Variants in PCMT1 observed in about 807,000 individuals in gnomAD.
The protein encoded by PCMT1 is protein-L-isoaspartate (D-aspartate) O-methyltransferase, also known as protein-L-isoaspartate(D-aspartate) O-methyltransferase.
Under a neutral mutation model 29.2 loss-of-function variants are expected in PCMT1, and 9 were observed. The ratio of observed to expected loss-of-function variants is 0.31; its 90% CI spans 0.19 to 0.54. The LOEUF (loss-of-function observed/expected upper bound fraction) is 0.54. Among genes scored for constraint, PCMT1 ranks in the 20% least tolerant of loss-of-function variants. The pLI is 0.95. For synonymous variants in PCMT1, 98 were observed against 97.5 expected, an observed-to-expected ratio of 1.00 and a Z score of -0.03; for missense variants, 184 against 282.2, an observed-to-expected ratio of 0.65 and a Z score of 2.49.
At chr6:149,775,704 C>T (rs1462090328) in intron 3 of PCMT1, among the ~76,000 whole-genome samples, 1 of 151,814 alleles carries the variant, frequency 6.6e-6, no homozygotes, top group Non-Finnish European at 1.5e-5. Context: ...ACCCTCATCT[C>T]AATAATAATA....
At chr6:149,779,594 GAGGTC>G (rs1787728452) in intron 3 of PCMT1, among the ~76,000 whole-genome samples, 1 of 152,144 alleles carries the variant, frequency 6.6e-6, no homozygotes, top group Non-Finnish European at 1.5e-5. Flanking sequence ...TGGGTCACCT[GAGGTC>G]AGGAGTTCGA....
chr6:149,793,339 C>T (rs1009280659), intron 4 of PCMT1, among the ~76,000 whole-genome samples: 5 of 151,932 alleles, frequency 3.3e-5, no homozygotes, highest in South Asian at 2.1e-4. Context: ...CTTAGTATTA[C>T]AAGTTTTATT....
intron 3 of PCMT1, among the ~76,000 whole-genome samples, chr6:149,787,754 A>C (rs914137213): frequency 6.6e-6 from 1 of 152,046 alleles, no homozygotes; most frequent in Non-Finnish European, 1.5e-5. Flanking sequence ...ACACAGTCTT[A>C]CCATTGGTAA....
intron 1 of PCMT1, among the ~76,000 whole-genome samples, chr6:149,752,613 G>C (rs563538457): frequency 6.6e-6 from 1 of 152,298 alleles, no homozygotes; most frequent in South Asian, 2.1e-4. Context: ...GGGTTCTCAT[G>C]GATGGCACAT....
chr6:149,790,931 C>G (rs1419919292), intron 4 of PCMT1, among the ~76,000 whole-genome samples: 1 of 152,064 alleles, frequency 6.6e-6, no homozygotes, highest in Non-Finnish European at 1.5e-5. Context: ...CCCTTGAGCC[C>G]AGGAGGTGGA....
chr6:149,774,789 C>G (rs913605085), intron 3 of PCMT1, among the ~76,000 whole-genome samples: 1 of 150,342 alleles, frequency 6.7e-6, no homozygotes, highest in Non-Finnish European at 1.5e-5. Context: ...TCACTGCAAG[C>G]TCCGCCTCCT....
At chr6:149,794,355 C>A (rs1788507748) in intron 5 of PCMT1, among the ~76,000 whole-genome samples, 1 of 152,186 alleles carries the variant, frequency 6.6e-6, no homozygotes, top group South Asian at 2.1e-4. Context: ...AGCGGTGGCT[C>A]ACACCTGTAA....
intron 3 of PCMT1, among the ~76,000 whole-genome samples, chr6:149,783,296 A>G (rs1787890182): frequency 6.6e-6 from 1 of 151,890 alleles, no homozygotes; most frequent in Non-Finnish European, 1.5e-5. Flanking sequence ...CCATGCCTGG[A>G]TAATTTCTGT....
chr6:149,766,366 T>C (rs1309624513), intron 1 of PCMT1, among the ~76,000 whole-genome samples: 1 of 152,172 alleles, frequency 6.6e-6, no homozygotes, highest in Non-Finnish European at 1.5e-5. Context: ...AAGGACAGCT[T>C]GGCTGGGTAT....
intron 1 of PCMT1, among the ~76,000 whole-genome samples, chr6:149,751,027 T>A (rs538324177): frequency 3.3e-5 from 5 of 152,044 alleles, no homozygotes; most frequent in Non-Finnish European, 2.9e-5. Flanking sequence ...TTAAAAAAAA[T>A]TTTTTTTGGC....
chr6:149,793,507 A>G, intron 4 of PCMT1, 42 bp from the exon 5 acceptor site: 1 of 1,394,614 alleles, frequency 7.2e-7, no homozygotes. Context: ...TAGAAAAACA[A>G]ATTTAGCCCA....
chr6:149,783,343 G>C (rs1787892146), intron 3 of PCMT1, among the ~76,000 whole-genome samples: 1 of 152,220 alleles, frequency 6.6e-6, no homozygotes, highest in South Asian at 2.1e-4. Flanking sequence ...ATGTTAGCCA[G>C]CCTGGTCTCG....
intron 1 of PCMT1, among the ~76,000 whole-genome samples, chr6:149,761,841 T>C (rs1305425528): frequency 1.3e-5 from 2 of 152,208 alleles, no homozygotes; most frequent in Non-Finnish European, 1.5e-5. Context: ...ATAAATCTTC[T>C]GCACCTTATT....
chr6:149,777,106 A>ACCC (rs1787601603), intron 3 of PCMT1, among the ~76,000 whole-genome samples: 1 of 152,200 alleles, frequency 6.6e-6, no homozygotes, highest in Non-Finnish European at 1.5e-5. Flanking sequence ...GTCCTGGTAA[A>ACCC]CCCATCATAA....
chr6:149,768,902 C>T (rs1036301954), intron 1 of PCMT1, among the ~76,000 whole-genome samples: 1 of 152,228 alleles, frequency 6.6e-6, no homozygotes, highest in Non-Finnish European at 1.5e-5. Flanking sequence ...GCTAGGATTA[C>T]GGACGTTAGC....
At chr6:149,799,340 A>G (rs1788731921) in intron 6 of PCMT1, among the ~76,000 whole-genome samples, 1 of 152,170 alleles carries the variant, frequency 6.6e-6, no homozygotes. Context: ...TTCTAGAAAA[A>G]TAAAACAGAT....
intron 1 of PCMT1, among the ~76,000 whole-genome samples, chr6:149,756,353 C>CCT (rs1786503398): frequency 7.1e-6 from 1 of 141,630 alleles, no homozygotes; most frequent in Non-Finnish European, 1.5e-5. Context: ...TATTCTTTCC[C>CCT]TTTTTTTTTT....
chr6:149,786,007 C>T (rs1788032717), intron 3 of PCMT1, among the ~76,000 whole-genome samples: 2 of 150,018 alleles, frequency 1.3e-5, no homozygotes, highest in South Asian at 2.1e-4. Context: ...CCCCTCACCT[C>T]CCGGACGGGG....
intron 3 of PCMT1, among the ~76,000 whole-genome samples, chr6:149,774,463 A>G (rs1583024407): frequency 7.7e-6 from 1 of 130,252 alleles, no homozygotes; most frequent in East Asian, 2.3e-4. Context: ...CTGGTCTTGA[A>G]CTCCTGACCT....
Sources: gnomAD v4.1 joint callset for allele counts (sites outside exome capture counted in the v4.1 genomes callset) on GRCh38, gnomAD v4.1.1 for gene constraint, MANE v1.5 for transcripts, NCBI Gene and HGNC (gene_info 2026-07-23, HGNC 2026-07-21) for gene names.